RAG1: variants seen among roughly 807,000 people sequenced by gnomAD.
The protein encoded by RAG1 is V(D)J recombination-activating protein 1.
Under a neutral mutation model 62.7 loss-of-function variants are expected in RAG1, and 35 were observed. The ratio of observed to expected loss-of-function variants is 0.56; its 90% CI spans 0.43 to 0.74. The LOEUF is 0.74. Among genes scored for constraint, RAG1 ranks in the 30% least tolerant of loss-of-function variants. The pLI is 0.00. For synonymous variants in RAG1, 461 were observed against 470.3 expected, an observed-to-expected ratio of 0.98 and a Z score of 0.26; for missense variants, 1,169 against 1,278.6, an observed-to-expected ratio of 0.91 and a Z score of 1.31.
rs962619224 is a variant in RAG1, at chr11:36,576,614, G to A, written c.*178G>A. 3.0e-5 allele frequency: 22 copies of A among 735,402 alleles called. No individual in the cohort carries two copies. The highest frequency in any genetic ancestry group is 4.1e-5 in the Non-Finnish European group (18 of 442,194). 45.6% of individuals were successfully genotyped at this position (735,402 alleles called of 1,614,324 possible). Reference sequence around the variant, plus strand: ...AGGAATAGAAACTGATGAGCTGATTGCTTGAGGCTTTTAGTGAGTTCCGAA... The same window carrying A: ...AGGAATAGAAACTGATGAGCTGATTACTTGAGGCTTTTAGTGAGTTCCGAA... On this transcript the variant is annotated 3_prime_UTR_variant, in exon 2 of 2. Coordinates refer to ENST00000299440, the MANE Select transcript of RAG1 (RefSeq NM_000448.3).
chr11:36,541,049 C>G (rs144556629), intron 3 of RAG1, among the ~76,000 whole-genome samples: 6 of 152,254 alleles, frequency 3.9e-5, no homozygotes, highest in African/African-American at 1.4e-4. Context: ...TTCCACATGA[C>G]ATGATATGAT....
chr11:36,523,699 C>T (rs1333744072), intron 2 of RAG1, among the ~76,000 whole-genome samples: 1 of 152,128 alleles, frequency 6.6e-6, no homozygotes, highest in African/African-American at 2.4e-5. Context: ...CGGATCCAGT[C>T]CAAGTTCACA....
intron 3 of RAG1, among the ~76,000 whole-genome samples, chr11:36,562,965 C>T (rs1478903133): frequency 1.3e-5 from 2 of 152,098 alleles, no homozygotes; most frequent in African/African-American, 2.4e-5. Flanking sequence ...CAGACAACTG[C>T]CTTCTTACTG....
rs1850856933 is a variant in RAG1, at chr11:36,576,629, T to C, written c.*193T>C. The C allele has an allele frequency of 1.5e-6, 1 of 675,896 alleles. No individual in the cohort carries two copies. The highest frequency in any genetic ancestry group is 2.5e-6 in the Non-Finnish European group (1 of 393,528). The allele number at this position is 675,896 out of a possible 1,614,324, so 41.9% of individuals were successfully genotyped here. A position where few individuals can be genotyped will look rare whatever the true frequency, so the allele number is the denominator to read the frequency against. ...TGAGCTGATTGCTTGAGGCTTTTAG[T>C]GAGTTCCGAAAAGCAACAGGAAAAA... On this transcript the variant is annotated 3_prime_UTR_variant, in exon 2 of 2. Coordinates refer to ENST00000299440, the MANE Select transcript of RAG1 (RefSeq NM_000448.3).
chr11:36,570,964 A>ATGTGGATTGTGTCTTCACTT (rs1850730908), intron 1 of RAG1, among the ~76,000 whole-genome samples: 1 of 152,186 alleles, frequency 6.6e-6, no homozygotes, highest in Non-Finnish European at 1.5e-5. Context: ...TTCTCCCATC[A>ATGTGGATTGTGTCTTCACTT]TGTGGATTGT....
chr11:36,524,664 A>G (rs548895554), intron 2 of RAG1, among the ~76,000 whole-genome samples: 2 of 151,742 alleles, frequency 1.3e-5, no homozygotes, highest in Non-Finnish European at 2.9e-5. Context: ...ATTTTTTGTA[A>G]TTTTTGTAGA....
intron 2 of RAG1, among the ~76,000 whole-genome samples, chr11:36,526,320 G>A (rs1479518653): frequency 6.9e-6 from 1 of 144,792 alleles, no homozygotes; most frequent in Non-Finnish European, 1.5e-5. Flanking sequence ...AATTATGAGT[G>A]AGGATATGTG....
rs536081407 is a variant in RAG1, at chr11:36,528,127, T to C, written n.429-7832T>C. Among the ~76,000 whole-genome samples the C allele has an allele frequency of 3.3e-5, 5 of 152,244 alleles. No individual in the cohort carries two copies. The East Asian group carries it at 9.6e-4, about 29-fold the overall frequency. ...ATGATATTCAGGACTTGAACTCAGC[T>C]CTGCACCAAGTGGACCTCATAGACA... On this transcript the variant is annotated intron_variant and non_coding_transcript_variant, in intron 2 of 2. Coordinates refer to the RAG1 transcript ENST00000529126.
rs570699885 is a variant in RAG1 at position 36,557,405 on chromosome 11, C to T, written c.-411-5980C>T. Among the ~76,000 whole-genome samples, 114 of 138,356 alleles carry T rather than the reference C, an allele frequency of 8.2e-4. 1 individual carries two copies. Among genetic ancestry groups the T allele is most frequent in the South Asian group, 2.1e-3 (9 of 4,292 alleles). 90.8% of individuals were successfully genotyped at this position (138,356 alleles called of 152,430 possible). On this transcript the variant is annotated intron_variant and NMD_transcript_variant, in intron 3 of 9. Coordinates refer to the RAG1 transcript ENST00000534663. ...GCGTCCGTCACCCCTTTCTTTGACT[C>T]GGAAAGGGAACTCCCTGACCCCTTG...
intron 1 of RAG1, among the ~76,000 whole-genome samples, chr11:36,511,788 G>A (rs1859926629): frequency 6.6e-6 from 1 of 152,122 alleles, no homozygotes; most frequent in East Asian, 1.9e-4. Flanking sequence ...ATCATTATAT[G>A]AAATTGAGAG....
At position 36,576,009 on chromosome 11, in the gene RAG1, C is replaced by G; in HGVS notation, c.2705C>G (p.Ala902Gly). The change falls in exon 2 of 2, where the codon GCT becomes GGT. Residue 902 changes from alanine (A) to glycine (G), a missense_variant. Coordinates refer to ENST00000299440, the MANE Select transcript of RAG1 (RefSeq NM_000448.3). Reference sequence around the variant, plus strand: ...CCAGTATGGCGATCATCATGCCCTGCTAAAGAGTGCCCAGAATCCCTCTGC... The same window carrying G: ...CCAGTATGGCGATCATCATGCCCTGGTAAAGAGTGCCCAGAATCCCTCTGC... ...MKPVWRSSCP[A>G]KECPESLCQY... 2 of 1,614,194 alleles carry G rather than the reference C, an allele frequency of 1.2e-6. No homozygotes were observed.
In RAG1 at chr11:36,569,656, C is replaced by T. The variant is rs545486152; in HGVS notation, c.-15+1534C>T. Among the ~76,000 whole-genome samples the T allele has an allele frequency of 9.5e-4, 145 of 152,034 alleles. 1 individual carries two copies. The highest frequency in any genetic ancestry group is 1.3e-3 in the Non-Finnish European group (85 of 67,998). The stretch of plus-strand genomic sequence containing the variant: ...CAGCTAGTCTTTAAAACAGTTTTAT[C>T]CAAAATAAATGTATCACAAAATTAA... On this transcript the variant is annotated intron_variant, in intron 1 of 1. Coordinates refer to ENST00000299440, the MANE Select transcript of RAG1 (RefSeq NM_000448.3).
At chr11:36,519,131 T>G (rs966285185) in intron 1 of RAG1, among the ~76,000 whole-genome samples, 9 of 152,048 alleles carry the variant, frequency 5.9e-5, no homozygotes, top group African/African-American at 2.2e-4. Flanking sequence ...AATTTTTTCT[T>G]AAGGCATTTA....
chr11:36,530,289 T>C (rs994105750), intron 2 of RAG1, among the ~76,000 whole-genome samples: 1 of 152,014 alleles, frequency 6.6e-6, no homozygotes. Context: ...CTTTGTTTTA[T>C]TGATTTTCTA....
chr11:36,523,737 T>G (rs901022558), intron 2 of RAG1, among the ~76,000 whole-genome samples: 1 of 152,216 alleles, frequency 6.6e-6, no homozygotes, highest in Non-Finnish European at 1.5e-5. Context: ...TTGCATAATT[T>G]TTTTAAAAAA....
Position 36,578,977 on chromosome 11 carries a change from G to A in RAG1, c.*2541G>A, listed in dbSNP as rs192931118. 6.0e-6 allele frequency: 1 copy of A among 167,236 alleles called. No homozygotes were observed. Among genetic ancestry groups the A allele is most frequent in the East Asian group, 1.9e-4 (1 of 5,192 alleles). 10.4% of individuals were successfully genotyped at this position (167,236 alleles called of 1,614,324 possible). ...AGTTTTCCTGCCAAGCCACTCAGGTGCATTGCAGGGACCAGTGATAATGGC... is the reference window on the plus strand; with the variant it reads ...AGTTTTCCTGCCAAGCCACTCAGGTACATTGCAGGGACCAGTGATAATGGC... On this transcript the variant is annotated 3_prime_UTR_variant, in exon 2 of 2. Transcript: ENST00000299440.
chr11:36,563,682 A>G (rs1850622035), upstream of RAG1, among the ~76,000 whole-genome samples: 1 of 152,206 alleles, frequency 6.6e-6, no homozygotes, highest in Non-Finnish European at 1.5e-5. Context: ...TATATATAAA[A>G]CAAAGCCACA....
chr11:36,518,890 T>C (rs539691507), intron 1 of RAG1, among the ~76,000 whole-genome samples: 1 of 152,376 alleles, frequency 6.6e-6, no homozygotes, highest in South Asian at 2.1e-4. Context: ...CCATTGCTTT[T>C]GGTGTTTTAG....
intron 2 of RAG1, among the ~76,000 whole-genome samples, chr11:36,524,340 T>TA (rs35649031): frequency 0.64 from 91,949 of 143,786 alleles, 30,862 homozygotes; most frequent in South Asian, 0.79. Flanking sequence ...TAAAGTATAA[T>TA]AAAAAAAAAA....
Sources: gnomAD v4.1 joint callset for allele counts (sites outside exome capture counted in the v4.1 genomes callset) on GRCh38, gnomAD v4.1.1 for gene constraint, MANE v1.5 for transcripts, NCBI Gene and HGNC (gene_info 2026-07-23, HGNC 2026-07-21) for gene names.